The following SLMAP variants were observed in gnomAD, a reference collection of about 807,000 sequenced individuals.
The protein encoded by SLMAP is sarcolemma associated protein.
A neutral mutation model predicts 128.8 loss-of-function variants in SLMAP; 44 were observed. That is an observed-to-expected ratio of 0.34 (90% CI 0.27 to 0.44). SLMAP has a LOEUF of 0.44. Ranked by LOEUF, SLMAP falls within the 20% of genes least tolerant of loss-of-function variation. SLMAP has a pLI of 1.00. For missense variants in SLMAP, 787 were observed against 985.3 expected, an observed-to-expected ratio of 0.80 and a Z score of 2.69; for synonymous variants, 327 against 348.8, an observed-to-expected ratio of 0.94 and a Z score of 0.70.
At chr3:57,763,212 A>C (rs940336862) in intron 2 of SLMAP, among the ~76,000 whole-genome samples, 2 of 151,686 alleles carry the variant, frequency 1.3e-5, no homozygotes, top group Admixed American at 6.6e-5. Flanking sequence ...GTTTCACTGA[A>C]GTTTACTTAC....
intron 9 of SLMAP, 113 bp downstream of exon 9, chr3:57,860,952 T>C: frequency 1.2e-6 from 1 of 866,144 alleles, no homozygotes. Flanking sequence ...AAATACTTTC[T>C]GTCTGTCAGG....
At chr3:57,881,972 A>G (rs1170841323) in intron 14 of SLMAP, among the ~76,000 whole-genome samples, 2 of 152,040 alleles carry the variant, frequency 1.3e-5, no homozygotes, top group Non-Finnish European at 2.9e-5. Context: ...AAGCCACAGT[A>G]CTCCAGCCTG....
At chr3:57,839,304 GA>G (rs2093799508) in intron 3 of SLMAP, among the ~76,000 whole-genome samples, 1 of 151,886 alleles carries the variant, frequency 6.6e-6, no homozygotes, top group African/African-American at 2.4e-5. Flanking sequence ...AATCAATATT[GA>G]ATACATGGTG....
chr3:57,816,627 A>G (rs1418145888), intron 2 of SLMAP, among the ~76,000 whole-genome samples: 1 of 152,064 alleles, frequency 6.6e-6, no homozygotes, highest in Non-Finnish European at 1.5e-5. Context: ...GAATTTACTG[A>G]CAGGGAATGA....
chr3:57,909,739 A>T (rs933717891), intron 19 of SLMAP, among the ~76,000 whole-genome samples: 1 of 151,726 alleles, frequency 6.6e-6, no homozygotes, highest in African/African-American at 2.4e-5. Flanking sequence ...CAGCCTCCTG[A>T]GTAGCTGGGA....
intron 14 of SLMAP, among the ~76,000 whole-genome samples, chr3:57,883,158 T>G (rs2095792100): frequency 6.6e-6 from 1 of 152,210 alleles, no homozygotes; most frequent in Admixed American, 6.5e-5. Flanking sequence ...AATGAATAGT[T>G]GCAATATACC....
rs140704036 is a variant in SLMAP at position 57,903,212 on chromosome 3, A to G, written c.1502-4672A>G. The stretch of plus-strand genomic sequence containing the variant: ...CAGAAAGAGTGGCAAAGGGGTAAGA[A>G]TTGACAATAAGAGGCTGCTACCTTA... On this transcript the variant is annotated intron_variant, in intron 17 of 24. Transcript: ENST00000671191. Among the ~76,000 whole-genome samples the G allele has an allele frequency of 1.6e-4, 24 of 152,282 alleles. No homozygotes were observed. The East Asian group carries it at 4.2e-3, about 27-fold the overall frequency.
At chr3:57,832,243 C>G (rs1220371361) in intron 3 of SLMAP, among the ~76,000 whole-genome samples, 1 of 152,138 alleles carries the variant, frequency 6.6e-6, no homozygotes, top group African/African-American at 2.4e-5. Flanking sequence ...TGACATAGAT[C>G]AGTTTTGATT....
chr3:57,761,773 C>T (rs908806682), intron 2 of SLMAP, among the ~76,000 whole-genome samples: 6 of 151,400 alleles, frequency 4.0e-5, no homozygotes, highest in African/African-American at 9.7e-5. Flanking sequence ...GAAGGCCGGG[C>T]GCGGTGGCTC....
At chr3:57,769,552 G>A (rs1467526818) in intron 2 of SLMAP, among the ~76,000 whole-genome samples, 1 of 151,918 alleles carries the variant, frequency 6.6e-6, no homozygotes, top group Non-Finnish European at 1.5e-5. Context: ...TCAAATTCCT[G>A]GGCTCAAGCA....
chr3:57,834,639 C>T lies in SLMAP; in HGVS notation c.346+3109C>T, dbSNP rs369660309. Among the ~76,000 whole-genome samples, 34 of 152,100 alleles carry T rather than the reference C, an allele frequency of 2.2e-4. No homozygotes were observed. The East Asian group carries it at 5.8e-3, about 26-fold the overall frequency. ...GAAACAGAGGGATTTACAGCTGATC[C>T]CTCTGTTTTTAAAAAACAGATAAAC... is the stretch of plus-strand genomic sequence containing the variant. On this transcript the variant is annotated intron_variant, in intron 3 of 24. Transcript: ENST00000671191.
At chr3:57,925,745 T>A in intron 23 of SLMAP, 100 bp from the exon 24 acceptor site, 2 of 768,484 alleles carry the variant, frequency 2.6e-6, no homozygotes. Context: ...TTCTATTATT[T>A]CATTCTTTCT....
At chr3:57,869,811 T>G (rs2095439662) in intron 13 of SLMAP, among the ~76,000 whole-genome samples, 1 of 151,270 alleles carries the variant, frequency 6.6e-6, no homozygotes, top group Non-Finnish European at 1.5e-5. Context: ...ATTGTACATT[T>G]GTTTTATGCT....
intron 2 of SLMAP, among the ~76,000 whole-genome samples, chr3:57,813,914 T>G (rs1280276707): frequency 6.6e-6 from 1 of 152,064 alleles, no homozygotes; most frequent in Non-Finnish European, 1.5e-5. Flanking sequence ...GCTTTTAGGC[T>G]TGAGAGTTTT....
At chr3:57,850,753 C>T (rs946505043) in intron 6 of SLMAP, among the ~76,000 whole-genome samples, 6 of 152,148 alleles carry the variant, frequency 3.9e-5, no homozygotes, top group African/African-American at 1.4e-4. Flanking sequence ...CCTGCCTCAG[C>T]CTCCTGAGTG....
intron 6 of SLMAP, among the ~76,000 whole-genome samples, chr3:57,850,212 AT>A (rs2094451620): frequency 1.3e-5 from 2 of 152,214 alleles, no homozygotes; most frequent in South Asian, 4.2e-4. Flanking sequence ...CTTATATTTT[AT>A]TTTGCAAATT....
chr3:57,844,359 A>C (rs183797022), intron 4 of SLMAP, among the ~76,000 whole-genome samples: 1 of 152,036 alleles, frequency 6.6e-6, no homozygotes, highest in African/African-American at 2.4e-5. Flanking sequence ...AGACCACTTC[A>C]CTTCAGGCTG....
At chr3:57,850,299 TA>T (rs1356143581) in intron 6 of SLMAP, among the ~76,000 whole-genome samples, 20 of 152,202 alleles carry the variant, frequency 1.3e-4, no homozygotes, top group Non-Finnish European at 2.4e-4. Context: ...AACAAAGGAT[TA>T]AAAGTAGATC....
intron 2 of SLMAP, among the ~76,000 whole-genome samples, chr3:57,802,405 A>G (rs1335719785): frequency 6.6e-6 from 1 of 151,960 alleles, no homozygotes; most frequent in African/African-American, 2.4e-5. Flanking sequence ...AGCCTCCTGA[A>G]TAACTGGGAT....
Sources: gnomAD v4.1 joint callset for allele counts (sites outside exome capture counted in the v4.1 genomes callset) on GRCh38, gnomAD v4.1.1 for gene constraint, MANE v1.5 for transcripts, NCBI Gene and HGNC (gene_info 2026-07-23, HGNC 2026-07-21) for gene names.